Variants in PDE3A observed in about 807,000 individuals in gnomAD.
PDE3A encodes the protein phosphodiesterase 3A.
A neutral mutation model predicts 98.3 loss-of-function variants in PDE3A; 43 were observed. The ratio of observed to expected loss-of-function variants is 0.44; its 90% CI spans 0.34 to 0.56. The LOEUF is 0.56. Ranked by LOEUF, PDE3A falls within the 20% of genes least tolerant of loss-of-function variation. PDE3A has a pLI of 0.01. For missense variants in PDE3A, 1,427 were observed against 1,440.7 expected (o/e 0.99, Z 0.15); for synonymous variants, 663 against 567.9 (o/e 1.17, Z -2.38).
intron 15 of PDE3A, among the ~76,000 whole-genome samples, chr12:20,670,513 G>T (rs1378141333): frequency 6.6e-6 from 1 of 152,170 alleles, no homozygotes; most frequent in Non-Finnish European, 1.5e-5. Context: ...AGACCACAGT[G>T]CAATCCAGCT....
intron 1 of PDE3A, chr12:20,551,608 C>G: frequency 6.4e-7 from 1 of 1,562,394 alleles, no homozygotes; most frequent in Non-Finnish European, 8.7e-7. Flanking sequence ...CCGGCAGGAC[C>G]CCGACAAGCA....
chr12:20,585,053 C>T (rs11045318), intron 2 of PDE3A, among the ~76,000 whole-genome samples: 29,837 of 152,140 alleles, frequency 0.2, 3,222 homozygotes, highest in South Asian at 0.34. Context: ...GTACCTCAAT[C>T]TTGTTCTTTC....
intron 15 of PDE3A, among the ~76,000 whole-genome samples, chr12:20,666,313 A>G (rs1945310582): frequency 6.6e-6 from 1 of 152,166 alleles, no homozygotes; most frequent in Non-Finnish European, 1.5e-5. Flanking sequence ...CCACTATTTT[A>G]AAGTATGCAA....
intron 1 of PDE3A, among the ~76,000 whole-genome samples, chr12:20,423,673 T>G (rs1455668295): frequency 6.6e-6 from 1 of 152,148 alleles, no homozygotes; most frequent in Non-Finnish European, 1.5e-5. Flanking sequence ...TTACTTCCCC[T>G]TGTTTTCATC....
chr12:20,646,585 G>A lies in PDE3A; in HGVS notation c.2347G>A (p.Gly783Ser), dbSNP rs1324581135. The change falls in exon 11 of 16, where the codon GGT (glycine) becomes AGT (serine). Residue 783 changes from glycine to serine, a missense_variant. Gly to Ser is a moderately conservative substitution (Grantham distance 56, BLOSUM62 0). Transcript: ENST00000359062. ...CCTCTCAACTGTGATTAATGATCAT[G>A]GTTCAACCAGTGATTCAGGTATGTA... is the stretch of plus-strand genomic sequence containing the variant. ...PGLSTVINDH[G>S]STSDSDSDSG... 1 of 1,587,382 alleles carries A rather than the reference G, an allele frequency of 6.3e-7. No individual in the cohort carries two copies. Among genetic ancestry groups the A allele is most frequent in the African/African-American group, 1.3e-5 (1 of 74,434 alleles).
chr12:20,552,255 C>A lies in PDE3A; in HGVS notation c.961-4405C>A. On this transcript the variant is annotated intron_variant, in intron 1 of 15. Transcript: ENST00000359062. The surrounding 1 kb of genome is among the most constrained non-coding windows in gnomAD (Gnocchi z 5.1). ...GGGTGGTGCGCAATGTCAAGGGTGGCAAGAATAGCAAGTACGCCCCCGCTG... is the reference window on the plus strand; with the variant it reads ...GGGTGGTGCGCAATGTCAAGGGTGGAAAGAATAGCAAGTACGCCCCCGCTG... 1 of 1,613,884 alleles carries A rather than the reference C, an allele frequency of 6.2e-7. No individual in the cohort carries two copies. The highest frequency in any genetic ancestry group is 8.5e-7 in the Non-Finnish European group (1 of 1,179,866).
At chr12:20,637,318 C>T (rs1944538824) in intron 9 of PDE3A, 81 bp downstream of exon 9, 1 of 1,041,502 alleles carries the variant, frequency 9.6e-7, no homozygotes, top group Admixed American at 2.6e-5. Context: ...AAATTCTTGA[C>T]ACTTGTGGAT....
At chr12:20,665,238 A>G (rs1046252553) in intron 15 of PDE3A, among the ~76,000 whole-genome samples, 6 of 152,214 alleles carry the variant, frequency 3.9e-5, no homozygotes, top group African/African-American at 1.4e-4. Context: ...GGTCACTAGA[A>G]CTGAGGACAA....
intron 2 of PDE3A, among the ~76,000 whole-genome samples, chr12:20,576,049 A>C (rs546688285): frequency 2.0e-5 from 3 of 152,014 alleles, no homozygotes; most frequent in Non-Finnish European, 4.4e-5. Flanking sequence ...TATAGGGTAC[A>C]TGAAATATTT....
Position 20,609,604 on chromosome 12 carries a change from G to A in PDE3A, c.1012-3839G>A, listed in dbSNP as rs186016960. Among the ~76,000 whole-genome samples, 555 of 152,052 alleles carry A rather than the reference G, an allele frequency of 3.7e-3. 2 individuals are homozygous for A. The highest frequency in any genetic ancestry group is 0.015 in the South Asian group (70 of 4,826). On this transcript the variant is annotated intron_variant, in intron 2 of 15. Coordinates refer to ENST00000359062, the MANE Select transcript of PDE3A (RefSeq NM_000921.5). The stretch of plus-strand genomic sequence containing the variant: ...AACCCCAAATAGCCAAAGCAGTACT[G>A]AGGGGAAAACGGTTGAAGGCATTAC...
intron 1 of PDE3A, among the ~76,000 whole-genome samples, chr12:20,458,175 G>A (rs990635835): frequency 1.3e-5 from 2 of 152,006 alleles, no homozygotes; most frequent in South Asian, 2.1e-4. Flanking sequence ...AGTACAAAGA[G>A]CAGTGCTTGG....
intron 2 of PDE3A, among the ~76,000 whole-genome samples, chr12:20,596,893 A>T (rs767572287): frequency 2.6e-5 from 4 of 152,192 alleles, no homozygotes; most frequent in African/African-American, 9.7e-5. Context: ...AAAATACCGT[A>T]TAGCAAATTG....
intron 6 of PDE3A, among the ~76,000 whole-genome samples, chr12:20,633,283 C>G (rs1013934083): frequency 7.9e-5 from 12 of 152,090 alleles, no homozygotes; most frequent in African/African-American, 2.4e-4. Context: ...GGCTTTTAAG[C>G]CGACAGAAAG....
chr12:20,448,238 G>T (rs1458305610), intron 1 of PDE3A, among the ~76,000 whole-genome samples: 1 of 152,082 alleles, frequency 6.6e-6, no homozygotes, highest in Admixed American at 6.5e-5. Context: ...TCAGGATTTC[G>T]AGACCAGCCT....
chr12:20,677,283 T>C (rs1945665955), intron 15 of PDE3A, among the ~76,000 whole-genome samples: 1 of 152,200 alleles, frequency 6.6e-6, no homozygotes, highest in Non-Finnish European at 1.5e-5. Flanking sequence ...AGATAGGCTT[T>C]AATATTGTTA....
intron 1 of PDE3A, among the ~76,000 whole-genome samples, chr12:20,455,465 A>T (rs759609978): frequency 6.6e-6 from 1 of 152,118 alleles, no homozygotes; most frequent in Non-Finnish European, 1.5e-5. Flanking sequence ...GTTTAATTAG[A>T]TTTCATTGGC....
intron 1 of PDE3A, among the ~76,000 whole-genome samples, chr12:20,427,506 G>A (rs1944620444): frequency 1.3e-5 from 2 of 152,072 alleles, no homozygotes; most frequent in South Asian, 4.1e-4. Context: ...TTAGGTATAT[G>A]CTAGATCTTA....
rs183451615 is a variant in PDE3A at position 20,601,470 on chromosome 12, G to T, written c.1012-11973G>T. Among the ~76,000 whole-genome samples the T allele has an allele frequency of 1.6e-4, 25 of 152,276 alleles. No homozygotes were observed. The East Asian group carries it at 4.6e-3, about 28-fold the overall frequency. ...AGTGTTGATATGGATAAAACAAATG[G>T]CAGTAAAGTTCCACAAAACAGTGTG... On this transcript the variant is annotated intron_variant, in intron 2 of 15. Transcript: ENST00000359062.
At chr12:20,500,198 T>C (rs916069063) in intron 1 of PDE3A, among the ~76,000 whole-genome samples, 4 of 152,206 alleles carry the variant, frequency 2.6e-5, no homozygotes, top group Non-Finnish European at 2.9e-5. Context: ...AGTCAATGTA[T>C]AGGGAGACAT....
Sources: allele counts gnomAD v4.1 joint callset (sites outside exome capture counted in the v4.1 genomes callset), GRCh38; gene constraint gnomAD v4.1.1; non-coding constraint Gnocchi (gnomAD v3.1); transcripts MANE v1.5; gene names NCBI Gene and HGNC (gene_info 2026-07-23, HGNC 2026-07-21).